The following USO1 variants were observed in gnomAD, a reference collection of about 807,000 sequenced individuals.
USO1 encodes the protein general vesicular transport factor p115.
Under a neutral mutation model 124.5 loss-of-function variants are expected in USO1, and 57 were observed. That is an observed-to-expected ratio of 0.46 (90% confidence interval 0.37 to 0.57). The LOEUF (loss-of-function observed/expected upper bound fraction) is 0.57. USO1 is among the 20% of genes least tolerant of loss of function. The pLI is 0.00. For missense variants in USO1, 900 were observed against 1,040.6 expected, an observed-to-expected ratio of 0.86 and a Z score of 1.86; for synonymous variants, 369 against 362.8, an observed-to-expected ratio of 1.02 and a Z score of -0.19.
intron 10 of USO1, 131 bp downstream of exon 10, chr4:75,787,333 C>A: frequency 8.4e-7 from 1 of 1,194,048 alleles, no homozygotes. Context: ...AATGATCTTA[C>A]TAAAATATAA....
intron 4 of USO1, among the ~76,000 whole-genome samples, chr4:75,758,120 A>G (rs1251408656): frequency 6.6e-6 from 1 of 152,124 alleles, no homozygotes; most frequent in African/African-American, 2.4e-5. Context: ...TTGTTTTAAA[A>G]TATTTGCACA....
chr4:75,783,558 T>C (rs969526715), intron 9 of USO1, among the ~76,000 whole-genome samples: 26 of 152,332 alleles, frequency 1.7e-4, no homozygotes, highest in African/African-American at 6.0e-4. Context: ...TCCTTACTTA[T>C]GAACTCATAA....
chr4:75,747,671 G>A (rs1347961828), intron 1 of USO1, among the ~76,000 whole-genome samples: 9 of 141,402 alleles, frequency 6.4e-5, no homozygotes, highest in Admixed American at 1.5e-4. Context: ...GTGCAGTGGC[G>A]CAATCTTGGC....
intron 4 of USO1, among the ~76,000 whole-genome samples, chr4:75,769,162 A>T (rs114619009): frequency 6.6e-6 from 1 of 152,104 alleles, no homozygotes; most frequent in Non-Finnish European, 1.5e-5. Context: ...CCTTCATGTG[A>T]CTCTTTTCTT....
chr4:75,769,519 T>TG, intron 4 of USO1, among the ~76,000 whole-genome samples: 1 of 152,212 alleles, frequency 6.6e-6, no homozygotes, highest in South Asian at 2.1e-4. Context: ...TGAGGGATAA[T>TG]GGGTTTGATC....
chr4:75,730,934 T>G (rs949061174), intron 1 of USO1, among the ~76,000 whole-genome samples: 5 of 152,172 alleles, frequency 3.3e-5, no homozygotes, highest in Admixed American at 6.6e-5. Context: ...GAAAAACTTT[T>G]GTGGTGTTAG....
intron 4 of USO1, among the ~76,000 whole-genome samples, chr4:75,761,569 A>G (rs984409374): frequency 1.3e-5 from 2 of 152,216 alleles, no homozygotes; most frequent in Admixed American, 6.5e-5. Context: ...CATACTCAGT[A>G]ATGATGTTTT....
Position 75,795,189 on chromosome 4 carries a change from A to G in USO1, c.1452+1288A>G, listed in dbSNP as rs577270607. On this transcript the variant is annotated intron_variant, in intron 13 of 23. Coordinates refer to ENST00000514213, the MANE Select transcript of USO1 (RefSeq NM_003715.4). ...GTATCCTCTAACTTTTTATTGTATA[A>G]AAGAAGTATCATTAGAACCATCCTG... 6.8e-6 allele frequency: 4 copies of G among 584,962 alleles called. 1 individual carries two copies. In the Admixed American group the frequency reaches 1.2e-4, roughly 18 times the overall value. The allele number at this position is 584,962 out of a possible 1,614,324, so 36.2% of individuals were successfully genotyped here.
At chr4:75,785,271 T>C (rs1349497779) in intron 9 of USO1, among the ~76,000 whole-genome samples, 34 of 152,224 alleles carry the variant, frequency 2.2e-4, no homozygotes, top group Non-Finnish European at 1.0e-4. Flanking sequence ...AGAATTGATC[T>C]GCTTGCTGAG....
intron 15 of USO1, 26 bp from the exon 16 acceptor site, chr4:75,800,592 G>A (rs374126191): frequency 8.6e-6 from 13 of 1,502,996 alleles, no homozygotes; most frequent in African/African-American, 1.4e-5. Context: ...TTTTTTTAAA[G>A]CATCTCAATA....
chr4:75,772,061 A>G (rs1312496149), intron 7 of USO1, among the ~76,000 whole-genome samples: 1 of 152,156 alleles, frequency 6.6e-6, no homozygotes, highest in African/African-American at 2.4e-5. Flanking sequence ...AGTAAATATC[A>G]TTTGGATTGC....
chr4:75,758,562 T>C (rs1268425613), intron 4 of USO1, among the ~76,000 whole-genome samples: 1 of 152,202 alleles, frequency 6.6e-6, no homozygotes, highest in Non-Finnish European at 1.5e-5. Flanking sequence ...AGTCACAATT[T>C]CTTAGACATA....
chr4:75,804,928 G>A (rs1722950621), intron 18 of USO1: 2 of 484,772 alleles, frequency 4.1e-6, no homozygotes, highest in South Asian at 5.1e-5. Flanking sequence ...ATGCAGTTTA[G>A]TCAAGGCTGT....
At chr4:75,741,702 T>G (rs1014638092) in intron 1 of USO1, among the ~76,000 whole-genome samples, 3 of 142,510 alleles carry the variant, frequency 2.1e-5, no homozygotes, top group Non-Finnish European at 4.5e-5. Flanking sequence ...CCTCCCAAGC[T>G]CAAGTAATTC....
intron 1 of USO1, among the ~76,000 whole-genome samples, chr4:75,731,375 A>G (rs1389152284): frequency 6.6e-6 from 1 of 152,164 alleles, no homozygotes; most frequent in African/African-American, 2.4e-5. Context: ...CAGCCTGGCC[A>G]ACATGACGAA....
At chr4:75,812,041 C>G in intron 22 of USO1, 119 bp from the exon 23 acceptor site, 1 of 1,444,968 alleles carries the variant, frequency 6.9e-7, no homozygotes, top group Non-Finnish European at 9.3e-7. Context: ...AACCTCCACC[C>G]CTAAATTCCT....
chr4:75,810,349 G>T (rs955927934), intron 21 of USO1, 83 bp from the exon 22 acceptor site: 2 of 1,405,316 alleles, frequency 1.4e-6, no homozygotes, highest in African/African-American at 1.5e-5. Flanking sequence ...TATCAAAATG[G>T]CAAAAAAATT....
intron 3 of USO1, among the ~76,000 whole-genome samples, chr4:75,754,737 C>A (rs896826267): frequency 6.6e-6 from 1 of 152,216 alleles, no homozygotes; most frequent in African/African-American, 2.4e-5. Context: ...CAGCTAGAGT[C>A]CATTATTTTC....
rs189305498 is a variant in USO1, at chr4:75,799,822, A to G, written c.1563+90A>G. ...TTAGAAGTAGTTCTATGCCCAAAATATTTGAATTCTCCACTATCTTATCTG... is the reference window on the plus strand; with the variant it reads ...TTAGAAGTAGTTCTATGCCCAAAATGTTTGAATTCTCCACTATCTTATCTG... On this transcript the variant is annotated intron_variant, in intron 14 of 23. Transcript: ENST00000514213. 298 of 1,439,968 alleles carry G rather than the reference A, an allele frequency of 2.1e-4. 1 individual carries two copies. The African/African-American group carries it at 4.0e-3, about 19-fold the overall frequency. 89.2% of individuals were successfully genotyped at this position (1,439,968 alleles called of 1,614,324 possible). A position where few individuals can be genotyped will look rare whatever the true frequency, so the allele number is the denominator to read the frequency against.
Sources: allele counts gnomAD v4.1 joint callset (sites outside exome capture counted in the v4.1 genomes callset), GRCh38; gene constraint gnomAD v4.1.1; transcripts MANE v1.5; gene names NCBI Gene and HGNC (gene_info 2026-07-23, HGNC 2026-07-21).